The following PRKCA variants were observed in gnomAD, a reference collection of about 807,000 sequenced individuals.
PRKCA encodes protein kinase C alpha type.
In PRKCA, 27 loss-of-function variants were observed where a neutral mutation model predicts 87.0. The ratio of observed to expected loss-of-function variants is 0.31; its 90% CI spans 0.23 to 0.43. PRKCA has a LOEUF of 0.43. Among genes scored for constraint, PRKCA ranks in the 20% least tolerant of loss-of-function variants. PRKCA has a pLI of 1.00. For synonymous variants in PRKCA, 329 were observed against 311.1 expected (o/e 1.06, Z -0.61); for missense variants, 518 against 852.3 (o/e 0.61, Z 4.88).
At chr17:66,324,136 TGA>T (rs1387949780) in intron 2 of PRKCA, among the ~76,000 whole-genome samples, 1 of 152,124 alleles carries the variant, frequency 6.6e-6, no homozygotes, top group African/African-American at 2.4e-5. Flanking sequence ...TGTTCCTGTT[TGA>T]AGAAGCAGAT....
chr17:66,335,308 T>C (rs773241788), intron 2 of PRKCA, among the ~76,000 whole-genome samples: 1 of 152,098 alleles, frequency 6.6e-6, no homozygotes, highest in Non-Finnish European at 1.5e-5. Context: ...TTTTTGATTT[T>C]TTTTTTAGTG....
chr17:66,373,206 TAAAG>T (rs1206198890), intron 2 of PRKCA, among the ~76,000 whole-genome samples: 7 of 152,318 alleles, frequency 4.6e-5, no homozygotes, highest in Non-Finnish European at 1.0e-4. Context: ...ACAAGCATGT[TAAAG>T]AACACATTGT....
chr17:66,759,163 G>T (rs568218937), intron 13 of PRKCA, among the ~76,000 whole-genome samples: 1 of 152,038 alleles, frequency 6.6e-6, no homozygotes, highest in East Asian at 1.9e-4. Flanking sequence ...GACCATCCTG[G>T]CTAACAAGGT....
chr17:66,702,879 G>A (rs1024658524), intron 8 of PRKCA, among the ~76,000 whole-genome samples: 5 of 152,174 alleles, frequency 3.3e-5, no homozygotes, highest in African/African-American at 1.2e-4. Context: ...GATGCTGACT[G>A]CTGTAGGCAA....
chr17:66,663,176 A>AGC (rs1349045555), intron 5 of PRKCA, among the ~76,000 whole-genome samples: 1 of 152,238 alleles, frequency 6.6e-6, no homozygotes, highest in Non-Finnish European at 1.5e-5. Context: ...AAACAAGAAC[A>AGC]GCTTCCTGCT....
chr17:66,474,862 G>A (rs1915474872), intron 2 of PRKCA, among the ~76,000 whole-genome samples: 1 of 152,142 alleles, frequency 6.6e-6, no homozygotes, highest in African/African-American at 2.4e-5. Flanking sequence ...GTATTCACAT[G>A]GAGCAGTTAT....
intron 13 of PRKCA, among the ~76,000 whole-genome samples, chr17:66,763,480 C>A (rs564902858): frequency 6.6e-6 from 1 of 152,180 alleles, no homozygotes; most frequent in Non-Finnish European, 1.5e-5. Flanking sequence ...TGTTTGGACG[C>A]GTCAGACAGT....
intron 5 of PRKCA, among the ~76,000 whole-genome samples, chr17:66,647,586 C>T (rs954851503): frequency 3.3e-5 from 5 of 152,190 alleles, no homozygotes; most frequent in East Asian, 1.9e-4. Flanking sequence ...CTCCTATAAA[C>T]CTCAAGAGCC....
chr17:66,592,051 A>G (rs572537111), intron 3 of PRKCA, among the ~76,000 whole-genome samples: 71 of 152,150 alleles, frequency 4.7e-4, no homozygotes, highest in Non-Finnish European at 7.8e-4. Flanking sequence ...TTTTCTAAAT[A>G]AAGACATTAT....
At chr17:66,650,353 C>CG (rs1555631149) in intron 5 of PRKCA, among the ~76,000 whole-genome samples, 15,506 of 138,030 alleles carry the variant, frequency 0.11, 877 homozygotes, top group Middle Eastern at 0.19. Flanking sequence ...AGAATGGTGT[C>CG]GGGGTTTTTT....
chr17:66,392,235 C>A (rs7503904), intron 2 of PRKCA, among the ~76,000 whole-genome samples: 103,237 of 134,110 alleles, frequency 0.77, 37,605 homozygotes, highest in Non-Finnish European at 0.83. Context: ...GTCTCAACAA[C>A]AACAAAAAAA....
chr17:66,350,347 G>T (rs1235550879), intron 2 of PRKCA, among the ~76,000 whole-genome samples: 1 of 152,056 alleles, frequency 6.6e-6, no homozygotes, highest in Admixed American at 6.5e-5. Context: ...CAGGGAGCTG[G>T]GGTCTTTCAT....
intron 14 of PRKCA, chr17:66,775,317 C>T (rs1975022587): frequency 1.0e-6 from 1 of 985,376 alleles, no homozygotes; most frequent in Non-Finnish European, 1.2e-6. Context: ...GCTAATTCCT[C>T]CTCCTTTCAG....
intron 16 of PRKCA, among the ~76,000 whole-genome samples, chr17:66,797,174 C>T (rs1013819281): frequency 6.6e-6 from 1 of 152,176 alleles, no homozygotes; most frequent in African/African-American, 2.4e-5. Context: ...GAAGCCAACT[C>T]CTGCATTGCA....
intron 5 of PRKCA, among the ~76,000 whole-genome samples, chr17:66,673,864 C>G (rs888101894): frequency 6.6e-6 from 1 of 152,224 alleles, no homozygotes; most frequent in Non-Finnish European, 1.5e-5. Context: ...ACATCCTGTG[C>G]TCTTTTGTCT....
At chr17:66,790,423 G>A (rs968545822) in intron 16 of PRKCA, among the ~76,000 whole-genome samples, 41 of 151,422 alleles carry the variant, frequency 2.7e-4, no homozygotes, top group Admixed American at 4.6e-4. Context: ...GGGGTCTCAC[G>A]GGCTCCTGCC....
chr17:66,391,717 A>G (rs183010914), intron 2 of PRKCA, among the ~76,000 whole-genome samples: 1 of 152,288 alleles, frequency 6.6e-6, no homozygotes, highest in Admixed American at 6.5e-5. Context: ...ACTTTCAAAC[A>G]GAAAAGTTGA....
At chr17:66,339,705 CT>C (rs1222048292) in intron 2 of PRKCA, 1 of 152,158 alleles carries the variant, frequency 6.6e-6, no homozygotes, top group Non-Finnish European at 1.5e-5. Context: ...TTTTCCTTGA[CT>C]CTCTTCACTC....
intron 2 of PRKCA, among the ~76,000 whole-genome samples, chr17:66,488,337 A>T (rs1020918712): frequency 2.0e-5 from 3 of 152,204 alleles, no homozygotes; most frequent in Non-Finnish European, 4.4e-5. Flanking sequence ...AAGGGTATTT[A>T]ATGGTTCGTG....
Sources: gnomAD v4.1 joint callset for allele counts (sites outside exome capture counted in the v4.1 genomes callset) on GRCh38, gnomAD v4.1.1 for gene constraint, MANE v1.5 for transcripts, NCBI Gene and HGNC (gene_info 2026-07-23, HGNC 2026-07-21) for gene names.